Variants in C5 observed in about 807,000 individuals in gnomAD.
The protein encoded by C5 is C3 and PZP-like alpha-2-macroglobulin domain-containing protein 4.
In C5, 140 loss-of-function variants were observed where a neutral mutation model predicts 218.8. That is an observed-to-expected ratio of 0.64 (90% CI 0.56 to 0.74). The LOEUF is 0.74. Ranked by LOEUF, C5 falls within the 30% of genes least tolerant of loss-of-function variation. C5 has a pLI of 0.00. For synonymous variants in C5, 614 were observed against 682.3 expected (o/e 0.90, Z 1.56); for missense variants, 1,700 against 1,969.6 (o/e 0.86, Z 2.59).
At chr9:121,044,613 T>C (rs755577825) in intron 2 of C5, among the ~76,000 whole-genome samples, 3 of 152,178 alleles carry the variant, frequency 2.0e-5, no homozygotes, top group Non-Finnish European at 4.4e-5. Context: ...CATTAAACAA[T>C]TGGCAAATAA....
rs1255500055 is a variant in C5 at position 120,953,758 on chromosome 9, G to A, written c.4873C>T (p.Leu1625Phe). 2 of 1,613,966 alleles carry A rather than the reference G, an allele frequency of 1.2e-6. No individual in the cohort carries two copies. Among genetic ancestry groups the A allele is most frequent in the Admixed American group, 1.7e-5 (1 of 59,988 alleles). The change falls in exon 40 of 41, where the codon CTC becomes TTC. Residue 1625 changes from leucine to phenylalanine, a missense_variant. Leu to Phe is a conservative substitution (Grantham distance 22, BLOSUM62 0). Transcript: ENST00000223642. ...AAACTGAAATTGTATTTTATCTGGA[G>A]GGCTTCTTTACCCATAATTAAGTAC... Reference protein sequence around the residue: ...RQYLIMGKEALQIKYNFSFRY... With the variant: ...RQYLIMGKEAFQIKYNFSFRY...
chr9:121,034,863 T>C lies in C5; in HGVS notation c.524A>G (p.Glu175Gly), dbSNP rs748212552. 6.3e-7 allele frequency: 1 copy of C among 1,596,296 alleles called. No individual in the cohort carries two copies. The highest frequency in any genetic ancestry group is 1.1e-5 in the South Asian group (1 of 90,600). Reference protein sequence around the residue: ...DPEGSEVDMVEEIDHIGIISF... With the variant: ...DPEGSEVDMVGEIDHIGIISF... ...GATAATTCCAATATGATCAATTTCT[T>C]CTACCATGTCAACTTCTGATCCTTC... Residue 175 changes from glutamate (E) to glycine (G), a missense_variant, in exon 5 of 41, where the codon GAA becomes GGA. Physicochemically the swap from Glu to Gly is moderately conservative, Grantham distance 98. Coordinates refer to ENST00000223642, the MANE Select transcript of C5 (RefSeq NM_001735.3).
chr9:120,952,888 T>C lies in C5; in HGVS notation c.4902-20A>G. The stretch of plus-strand genomic sequence containing the variant: ...ATGTACCTACCAAGAAACAAAGTGT[T>C]TGTGAGGTGGCCACAAAACAGAAAA... On this transcript the variant is annotated intron_variant, in intron 40 of 40. Coordinates refer to ENST00000223642, the MANE Select transcript of C5 (RefSeq NM_001735.3). The C allele has an allele frequency of 6.2e-7, 1 of 1,612,990 alleles. No homozygotes were observed. The highest frequency in any genetic ancestry group is 8.5e-7 in the Non-Finnish European group (1 of 1,179,554).
Position 121,025,594 on chromosome 9 carries a change from G to A in C5, c.874-14C>T. On this transcript the variant is annotated splice_polypyrimidine_tract_variant and intron_variant, in intron 8 of 40. Coordinates refer to ENST00000223642, the MANE Select transcript of C5 (RefSeq NM_001735.3). ...TCCATTTATCAACTTTTTAAAAGGA[G>A]AAAAAGGAGGAGTTATTTCGGAGAA... The A allele has an allele frequency of 1.2e-6, 2 of 1,609,362 alleles. No homozygotes were observed. The highest frequency in any genetic ancestry group is 1.7e-6 in the Non-Finnish European group (2 of 1,178,504).
In C5 at chr9:120,957,280, C is replaced by T. The variant is rs772246647; in HGVS notation, c.4762+5G>A. The T allele has an allele frequency of 6.3e-7, 1 of 1,593,364 alleles. No individual in the cohort carries two copies. The highest frequency in any genetic ancestry group is 8.6e-7 in the Non-Finnish European group (1 of 1,161,648). On this transcript the variant is annotated splice_donor_5th_base_variant and intron_variant, in intron 39 of 40. Coordinates refer to ENST00000223642, the MANE Select transcript of C5 (RefSeq NM_001735.3). Reference sequence around the variant, plus strand: ...GAAGGAACGAATGAACGAATGAATTCTCACCAGTTTTGTAGATATCCAGAA... The same window carrying T: ...GAAGGAACGAATGAACGAATGAATTTTCACCAGTTTTGTAGATATCCAGAA...
Position 120,963,698 on chromosome 9 carries a change from G to C in C5, c.4261C>G (p.His1421Asp), listed in dbSNP as rs756812052. Residue 1421 changes from histidine to aspartate, a missense_variant, in exon 34 of 41, where the codon CAT becomes GAT. Transcript: ENST00000223642. ...SREESSSGSS[H>D]AVMDISLPTG... ...GGCAAGGAGATGTCCATCACCGCAT[G>C]AGAGGATCCAGATGATGATTCTTCC... 1 of 1,613,820 alleles carries C rather than the reference G, an allele frequency of 6.2e-7. No individual in the cohort carries two copies. The highest frequency in any genetic ancestry group is 8.5e-7 in the Non-Finnish European group (1 of 1,179,798).
intron 15 of C5, among the ~76,000 whole-genome samples, chr9:121,016,041 G>C (rs2047304185): frequency 6.6e-6 from 1 of 152,204 alleles, no homozygotes. Flanking sequence ...TAGTTGGAGA[G>C]AGCCAGGGCG....
At chr9:120,953,125 C>A (rs1421923544) in intron 40 of C5, among the ~76,000 whole-genome samples, 1 of 152,138 alleles carries the variant, frequency 6.6e-6, no homozygotes, top group Non-Finnish European at 1.5e-5. Context: ...GGGGTTTCAC[C>A]GTGTTAGCCA....
chr9:121,069,760 C>T, the C5 span, among the ~76,000 whole-genome samples: 1 of 152,112 alleles, frequency 6.6e-6, no homozygotes, highest in Non-Finnish European at 1.5e-5. Context: ...GAGATCCTCC[C>T]ACCTCAGCCT....
chr9:121,007,967 C>T (rs1313960957), intron 18 of C5, among the ~76,000 whole-genome samples: 1 of 152,078 alleles, frequency 6.6e-6, no homozygotes, highest in Non-Finnish European at 1.5e-5. Context: ...GAGTATGGCT[C>T]GAGGACTCAG....
intron 17 of C5, among the ~76,000 whole-genome samples, chr9:121,013,186 G>A (rs2047276792): frequency 6.6e-6 from 1 of 151,980 alleles, no homozygotes; most frequent in Middle Eastern, 3.2e-3. Context: ...CAGGTGTGGT[G>A]GCAGGCGCCT....
intron 1 of C5, among the ~76,000 whole-genome samples, chr9:121,046,821 T>A (rs2047631951): frequency 6.6e-6 from 1 of 151,838 alleles, no homozygotes; most frequent in East Asian, 1.9e-4. Flanking sequence ...ACTGTGAAAA[T>A]AATCGCCTTC....
chr9:121,034,729 C>T (rs1291547390), intron 5 of C5, 74 bp downstream of exon 5: 4 of 771,224 alleles, frequency 5.2e-6, no homozygotes, highest in Non-Finnish European at 7.0e-6. Flanking sequence ...CATTAGGTGG[C>T]CCCCTTTAAC....
At chr9:121,000,115 C>A (rs1471272542) in intron 20 of C5, 1 of 212,414 alleles carries the variant, frequency 4.7e-6, no homozygotes, top group African/African-American at 2.4e-5. Flanking sequence ...AAAGGACATA[C>A]AAAAGAGATG....
intron 33 of C5, among the ~76,000 whole-genome samples, chr9:120,966,862 T>C (rs189518234): frequency 3.2e-4 from 49 of 152,010 alleles, no homozygotes; most frequent in Non-Finnish European, 5.6e-4. Flanking sequence ...TAAGAAGCGA[T>C]TGGGCTTGGG....
chr9:120,984,160 T>C (rs10818494), intron 25 of C5, among the ~76,000 whole-genome samples: 54,545 of 152,056 alleles, frequency 0.36, 11,551 homozygotes, highest in South Asian at 0.62. Flanking sequence ...TGTAGACATT[T>C]AGGTTGTTCT....
At chr9:121,023,562 T>C (rs527916466) in intron 9 of C5, 43 bp from the exon 10 acceptor site, 34 of 1,089,906 alleles carry the variant, frequency 3.1e-5, no homozygotes, top group South Asian at 2.5e-4. Flanking sequence ...TTTAGGAGTA[T>C]CATGATCTGT....
chr9:120,956,556 A>T (rs2046786253), intron 39 of C5, among the ~76,000 whole-genome samples: 4 of 152,234 alleles, frequency 2.6e-5, no homozygotes, highest in Non-Finnish European at 5.9e-5. Flanking sequence ...AGAAAAAAAC[A>T]TTTTAATATT....
chr9:121,012,241 C>T (rs1359758372), intron 17 of C5, among the ~76,000 whole-genome samples: 2 of 151,330 alleles, frequency 1.3e-5, no homozygotes, highest in African/African-American at 4.9e-5. Context: ...ATACTATTTA[C>T]CCACATAAAT....
Sources: allele counts gnomAD v4.1 joint callset (sites outside exome capture counted in the v4.1 genomes callset), GRCh38; gene constraint gnomAD v4.1.1; transcripts MANE v1.5; gene names NCBI Gene and HGNC (gene_info 2026-07-23, HGNC 2026-07-21).